The following STK32A variants were observed in gnomAD, a reference collection of about 807,000 sequenced individuals.
The protein encoded by STK32A is serine/threonine-protein kinase 32A.
STK32A carries 41 observed loss-of-function variants against 53.2 expected under a neutral mutation model. That is an observed-to-expected ratio of 0.77 (90% CI 0.60 to 1.00). The LOEUF (loss-of-function observed/expected upper bound fraction) is 1.00. STK32A is among the 50% of genes least tolerant of loss of function. STK32A has a pLI of 0.00. For missense variants in STK32A, 458 were observed against 485.8 expected (o/e 0.94, Z 0.54); for synonymous variants, 166 against 162.8 (o/e 1.02, Z -0.15).
chr5:147,249,908 C>CAA (rs35848112), intron 2 of STK32A, among the ~76,000 whole-genome samples: 12,910 of 58,228 alleles, frequency 0.22, 2,254 homozygotes, highest in East Asian at 0.31. Flanking sequence ...GCCTCTGTCT[C>CAA]AAAAAAAAAA....
chr5:147,316,592 A>G (rs1023305466), intron 4 of STK32A, among the ~76,000 whole-genome samples: 5 of 152,188 alleles, frequency 3.3e-5, no homozygotes, highest in Admixed American at 2.6e-4. Flanking sequence ...TTGCTTTTGG[A>G]GGGTTCTAGG....
chr5:147,314,836 C>A (rs1753912691), intron 4 of STK32A, among the ~76,000 whole-genome samples: 1 of 151,580 alleles, frequency 6.6e-6, no homozygotes, highest in Admixed American at 6.6e-5. Context: ...CCTCAACATC[C>A]TGGGCTCAAG....
chr5:147,350,988 G>A, intron 6 of STK32A, 77 bp from the exon 7 acceptor site: 1 of 1,260,616 alleles, frequency 7.9e-7, no homozygotes, highest in East Asian at 2.4e-5. Flanking sequence ...CTAATTGGGT[G>A]TTTTCAGTTA....
chr5:147,359,811 G>A (rs1756412402), intron 7 of STK32A, among the ~76,000 whole-genome samples: 1 of 152,190 alleles, frequency 6.6e-6, no homozygotes, highest in African/African-American at 2.4e-5. Flanking sequence ...TATTCCTGCT[G>A]CATCAAGCTC....
intron 4 of STK32A, among the ~76,000 whole-genome samples, chr5:147,305,839 T>C (rs1018259904): frequency 6.6e-6 from 1 of 151,904 alleles, no homozygotes; most frequent in Non-Finnish European, 1.5e-5. Context: ...TTAACATTCT[T>C]ATTTGTTCTT....
chr5:147,275,510 G>A (rs937722187), intron 2 of STK32A, among the ~76,000 whole-genome samples: 8 of 152,088 alleles, frequency 5.3e-5, no homozygotes, highest in African/African-American at 1.7e-4. Flanking sequence ...TTTTTGTAGA[G>A]ATGGGGCCTC....
intron 7 of STK32A, among the ~76,000 whole-genome samples, chr5:147,354,035 C>A (rs4705038): frequency 0.2 from 30,540 of 150,912 alleles, 3,565 homozygotes; most frequent in African/African-American, 0.31. Flanking sequence ...GAAAAGAGAA[C>A]CCCCTACATG....
chr5:147,379,322 G>A (rs900478723), intron 11 of STK32A, among the ~76,000 whole-genome samples: 2 of 151,792 alleles, frequency 1.3e-5, no homozygotes, highest in African/African-American at 2.4e-5. Context: ...GATTCTATGT[G>A]TGCAACCATG....
At chr5:147,395,681 C>CCAT in the STK32A span, 1 of 1,614,042 alleles carries the variant, frequency 6.2e-7, no homozygotes, top group Non-Finnish European at 8.5e-7. Flanking sequence ...AAACACAGGC[C>CCAT]CATCGTACAT....
chr5:147,357,859 G>A (rs1467546952), intron 7 of STK32A, among the ~76,000 whole-genome samples: 1 of 151,992 alleles, frequency 6.6e-6, no homozygotes, highest in Non-Finnish European at 1.5e-5. Context: ...TTTCCATGCT[G>A]ATTTGAAATA....
chr5:147,359,239 G>C (rs1756390155), intron 7 of STK32A, among the ~76,000 whole-genome samples: 1 of 152,022 alleles, frequency 6.6e-6, no homozygotes, highest in Admixed American at 6.6e-5. Context: ...AGCTATTTGA[G>C]GGCTCAAATA....
At chr5:147,397,901 C>T in the STK32A span, 1,853 of 918,058 alleles carry the variant, frequency 2.0e-3, 6 homozygotes, top group Middle Eastern at 7.6e-3. Flanking sequence ...GAGGAACGTA[C>T]CTTCTCTCCT....
intron 4 of STK32A, among the ~76,000 whole-genome samples, chr5:147,289,964 C>T (rs1752524846): frequency 6.6e-6 from 1 of 152,074 alleles, no homozygotes; most frequent in Admixed American, 6.6e-5. Context: ...AGATAAACAA[C>T]CAATAATTTT....
intron 2 of STK32A, among the ~76,000 whole-genome samples, chr5:147,255,001 G>A (rs991872504): frequency 2.0e-5 from 3 of 152,068 alleles, no homozygotes; most frequent in Non-Finnish European, 2.9e-5. Flanking sequence ...TTAGCTGGGC[G>A]TGGTGGCAGG....
intron 2 of STK32A, among the ~76,000 whole-genome samples, chr5:147,261,615 G>T (rs1288943288): frequency 1.3e-5 from 2 of 152,126 alleles, no homozygotes; most frequent in African/African-American, 4.8e-5. Flanking sequence ...AGAAGGCAAA[G>T]AATTGAACAT....
At chr5:147,249,528 C>T (rs1753891255) in intron 2 of STK32A, among the ~76,000 whole-genome samples, 1 of 152,056 alleles carries the variant, frequency 6.6e-6, no homozygotes. Context: ...ACCGAATTTT[C>T]TGATCTGTGA....
At chr5:147,265,129 A>G (rs942055474) in intron 2 of STK32A, among the ~76,000 whole-genome samples, 1 of 131,866 alleles carries the variant, frequency 7.6e-6, no homozygotes, top group Non-Finnish European at 1.6e-5. Flanking sequence ...TATATATACA[A>G]TTTTATATAT....
chr5:147,307,859 G>A (rs1168111583), intron 4 of STK32A, among the ~76,000 whole-genome samples: 1 of 151,986 alleles, frequency 6.6e-6, no homozygotes, highest in Non-Finnish European at 1.5e-5. Context: ...CACCATCTAT[G>A]TATGGGTTTC....
chr5:147,347,453 C>A (rs1755744100), intron 6 of STK32A, among the ~76,000 whole-genome samples: 1 of 152,126 alleles, frequency 6.6e-6, no homozygotes, highest in Non-Finnish European at 1.5e-5. Flanking sequence ...CTTCTCCCTG[C>A]AGAGGACATT....
Sources: allele counts gnomAD v4.1 joint callset (sites outside exome capture counted in the v4.1 genomes callset), GRCh38; gene constraint gnomAD v4.1.1; transcripts MANE v1.5; gene names NCBI Gene and HGNC (gene_info 2026-07-23, HGNC 2026-07-21).